LMTK2: variants seen among roughly 807,000 people sequenced by gnomAD.
The protein encoded by LMTK2 is serine/threonine-protein kinase LMTK2.
In LMTK2, 37 loss-of-function variants were observed where a neutral mutation model predicts 127.5. The ratio of observed to expected loss-of-function variants is 0.29; its 90% CI spans 0.22 to 0.38. The LOEUF is 0.38. Among genes scored for constraint, LMTK2 ranks in the 10% least tolerant of loss-of-function variants. The pLI is 1.00. For synonymous variants in LMTK2, 819 were observed against 810.1 expected, an observed-to-expected ratio of 1.01 and a Z score of -0.19; for missense variants, 1,694 against 1,920.3, an observed-to-expected ratio of 0.88 and a Z score of 2.20.
chr7:98,131,798 C>G (rs1796523742), intron 1 of LMTK2, among the ~76,000 whole-genome samples: 1 of 152,124 alleles, frequency 6.6e-6, no homozygotes, highest in African/African-American at 2.4e-5. Context: ...CCCTATTACC[C>G]GAAGAGAGCA....
At chr7:98,131,411 T>G (rs527421814) in intron 1 of LMTK2, among the ~76,000 whole-genome samples, 10 of 152,312 alleles carry the variant, frequency 6.6e-5, no homozygotes, top group South Asian at 6.2e-4. Context: ...TAGGCTTTTC[T>G]CCCCAAGTGT....
chr7:98,205,682 C>T lies in LMTK2; in HGVS notation c.*190C>T, dbSNP rs539618085. Reference sequence around the variant, plus strand: ...GGCCCTCGGGAGCCCAGGTGCAGAGCGAGGCCGTGTCCAGGAGCCGGCGTC... The same window carrying T: ...GGCCCTCGGGAGCCCAGGTGCAGAGTGAGGCCGTGTCCAGGAGCCGGCGTC... On this transcript the variant is annotated 3_prime_UTR_variant, in exon 14 of 14. Transcript: ENST00000297293. The T allele has an allele frequency of 1.9e-5, 12 of 644,516 alleles. No homozygotes were observed. Among genetic ancestry groups the T allele is most frequent in the African/African-American group, 1.8e-4 (10 of 54,888 alleles). 39.9% of individuals were successfully genotyped at this position (644,516 alleles called of 1,614,324 possible).
chr7:98,170,647 G>C (rs371806435), intron 6 of LMTK2, among the ~76,000 whole-genome samples: 1 of 151,542 alleles, frequency 6.6e-6, no homozygotes, highest in Non-Finnish European at 1.5e-5. Context: ...TAACTGATTC[G>C]AGGAAACTTT....
chr7:98,123,276 A>G (rs567580385), intron 1 of LMTK2, among the ~76,000 whole-genome samples: 1 of 152,366 alleles, frequency 6.6e-6, no homozygotes, highest in South Asian at 2.1e-4. Context: ...TTCTCAACAC[A>G]GTCACTTAAA....
At position 98,203,884 on chromosome 7, in the gene LMTK2, C is replaced by G. The variant is rs1797746630; in HGVS notation, c.4241-60C>G. Reference sequence around the variant, plus strand: ...CCTGCAGGGCGCACCTGCCCAGAGGCTCCCCCTCTCCCTCATCACGCAGTG... The same window carrying G: ...CCTGCAGGGCGCACCTGCCCAGAGGGTCCCCCTCTCCCTCATCACGCAGTG... On this transcript the variant is annotated intron_variant, in intron 12 of 13. Transcript: ENST00000297293. 3 of 1,597,806 alleles carry G rather than the reference C, an allele frequency of 1.9e-6. No individual in the cohort carries two copies. In the African/African-American group the frequency reaches 4.0e-5, roughly 22 times the overall value.
At chr7:98,169,254 C>G (rs985561219) in intron 6 of LMTK2, among the ~76,000 whole-genome samples, 1 of 152,126 alleles carries the variant, frequency 6.6e-6, no homozygotes, top group African/African-American at 2.4e-5. Context: ...ATATTTTTGC[C>G]TGGAATGTAC....
chr7:98,187,614 TTGTTG>T (rs1188949968), intron 9 of LMTK2, among the ~76,000 whole-genome samples: 36 of 151,974 alleles, frequency 2.4e-4, no homozygotes, highest in African/African-American at 2.2e-4. Context: ...GTTGTTGTTG[TTGTTG>T]TTTTGAGATA....
intron 1 of LMTK2, among the ~76,000 whole-genome samples, chr7:98,116,440 T>G (rs1005999401): frequency 5.5e-4 from 83 of 151,378 alleles, no homozygotes; most frequent in African/African-American, 1.7e-3. Flanking sequence ...GTGTGTGTGT[T>G]TGTGTCCGCG....
intron 7 of LMTK2, among the ~76,000 whole-genome samples, chr7:98,179,810 C>T (rs1481734169): frequency 6.6e-6 from 1 of 152,184 alleles, no homozygotes. Context: ...CTTGTAAGCA[C>T]AAAGAGTGTG....
chr7:98,173,074 G>T (rs1797217562), intron 7 of LMTK2, among the ~76,000 whole-genome samples: 1 of 152,046 alleles, frequency 6.6e-6, no homozygotes, highest in Non-Finnish European at 1.5e-5. Context: ...ATTCTTTTTT[G>T]TAAAAAGCAG....
chr7:98,156,938 T>C (rs1306431757), intron 5 of LMTK2, among the ~76,000 whole-genome samples: 1 of 152,170 alleles, frequency 6.6e-6, no homozygotes, highest in Non-Finnish European at 1.5e-5. Context: ...TCTGCTTTAC[T>C]CCAAGTCCAC....
chr7:98,169,068 A>G (rs1797147062), intron 6 of LMTK2, among the ~76,000 whole-genome samples: 1 of 152,142 alleles, frequency 6.6e-6, no homozygotes, highest in South Asian at 2.1e-4. Flanking sequence ...ACTCTAATTA[A>G]AGATTTTATG....
At chr7:98,164,039 C>G (rs1446441020) in intron 6 of LMTK2, among the ~76,000 whole-genome samples, 1 of 152,224 alleles carries the variant, frequency 6.6e-6, no homozygotes, top group Non-Finnish European at 1.5e-5. Context: ...TTTGCACTTA[C>G]TTAATTCCTT....
chr7:98,166,004 A>G (rs1797092516), intron 6 of LMTK2, among the ~76,000 whole-genome samples: 1 of 152,206 alleles, frequency 6.6e-6, no homozygotes, highest in Admixed American at 6.5e-5. Context: ...GCCCTGTTCC[A>G]GTGCCCGGCC....
Position 98,194,543 on chromosome 7 carries a change from G to C in LMTK2, c.4078G>C (p.Asp1360His), listed in dbSNP as rs1258701205. The C allele has an allele frequency of 6.2e-7, 1 of 1,608,648 alleles. No homozygotes were observed. The highest frequency in any genetic ancestry group is 8.5e-7 in the Non-Finnish European group (1 of 1,179,932). The change falls in exon 11 of 14, where the codon GAT becomes CAT. Residue 1360 changes from aspartate (D) to histidine (H), a missense_variant. Physicochemically the swap from Asp to His is moderately conservative, Grantham distance 81. Transcript: ENST00000297293. The surrounding 1 kb of genome is among the most constrained non-coding windows in gnomAD (Gnocchi z 5.4). ...GGAAAAGAAGGCAGTCACGTTTTTCGATGATGTCACAGTCTACCTGTTTGA... is the reference window on the plus strand; with the variant it reads ...GGAAAAGAAGGCAGTCACGTTTTTCCATGATGTCACAGTCTACCTGTTTGA... ...KKEKKAVTFF[D>H]DVTVYLFDQE... is the part of the protein sequence containing the mutation.
chr7:98,146,180 G>A lies in LMTK2; in HGVS notation c.376+4639G>A, dbSNP rs57434676. 6.2e-3 allele frequency among the ~76,000 whole-genome samples: 944 copies of A among 152,220 alleles called. 12 individuals carry two copies. The highest frequency in any genetic ancestry group is 0.022 in the African/African-American group (912 of 41,530). ...CCATCTTGATACAGACTCTTGATCTGTATGTCTGTCCCTGTGCCAGTACCA... is the reference window on the plus strand; with the variant it reads ...CCATCTTGATACAGACTCTTGATCTATATGTCTGTCCCTGTGCCAGTACCA... On this transcript the variant is annotated intron_variant, in intron 3 of 13. Coordinates refer to ENST00000297293, the MANE Select transcript of LMTK2 (RefSeq NM_014916.4).
At chr7:98,109,889 A>C (rs1384955640) in intron 1 of LMTK2, among the ~76,000 whole-genome samples, 1 of 152,196 alleles carries the variant, frequency 6.6e-6, no homozygotes, top group Non-Finnish European at 1.5e-5. Flanking sequence ...TTTAAAAAAA[A>C]ACCTTTAAGC....
At chr7:98,181,811 A>G (rs1283781038) in intron 7 of LMTK2, among the ~76,000 whole-genome samples, 1 of 151,588 alleles carries the variant, frequency 6.6e-6, no homozygotes. Context: ...GGCACCCACC[A>G]TCATGCCCGG....
chr7:98,150,393 A>C (rs1796836444), intron 3 of LMTK2, among the ~76,000 whole-genome samples: 1 of 152,228 alleles, frequency 6.6e-6, no homozygotes, highest in Admixed American at 6.5e-5. Flanking sequence ...TGACTACACC[A>C]AGTGATGGCA....
Sources: allele counts gnomAD v4.1 joint callset (sites outside exome capture counted in the v4.1 genomes callset), GRCh38; gene constraint gnomAD v4.1.1; non-coding constraint Gnocchi (gnomAD v3.1); transcripts MANE v1.5; gene names NCBI Gene and HGNC (gene_info 2026-07-23, HGNC 2026-07-21).